The following SACS variants were observed in gnomAD, a reference collection of about 807,000 sequenced individuals.
SACS encodes the protein sacsin.
A neutral mutation model predicts 348.0 loss-of-function variants in SACS; 197 were observed. The ratio of observed to expected loss-of-function variants is 0.57; its 90% CI spans 0.50 to 0.64. The LOEUF (loss-of-function observed/expected upper bound fraction) is 0.64, where lower values mean the gene tolerates loss of function less well. Among genes scored for constraint, SACS ranks in the 30% least tolerant of loss-of-function variants. SACS has a pLI of 0.00. For synonymous variants in SACS, 1,985 were observed against 1,910.6 expected (o/e 1.04, Z -1.02); for missense variants, 4,999 against 5,360.8 (o/e 0.93, Z 2.11).
chr13:23,395,895 A>G lies in SACS; in HGVS notation c.20+15325T>C, dbSNP rs1446980898. 2.0e-5 allele frequency among the ~76,000 whole-genome samples: 3 copies of G among 152,172 alleles called. 1 individual carries two copies. The highest frequency in any genetic ancestry group is 2.0e-4 in the Admixed American group (3 of 15,272). The stretch of plus-strand genomic sequence containing the variant: ...CTACAAGGTCTCTATTTGCATCTGT[A>G]TGTAACTTTATATACGTATGCATGT... On this transcript the variant is annotated intron_variant, in intron 2 of 9. Coordinates refer to ENST00000382292, the MANE Select transcript of SACS (RefSeq NM_014363.6).
At chr13:23,343,627 T>G (rs1869415182) in intron 9 of SACS, among the ~76,000 whole-genome samples, 1 of 152,160 alleles carries the variant, frequency 6.6e-6, no homozygotes, top group Non-Finnish European at 1.5e-5. Flanking sequence ...GAGGTTGCAG[T>G]GAGCCGAGAT....
At position 23,330,851 on chromosome 13, in the gene SACS, G is replaced by A. The variant is rs1163854599; in HGVS notation, c.13025C>T (p.Pro4342Leu). 4 of 1,614,016 alleles carry A rather than the reference G, an allele frequency of 2.5e-6. No homozygotes were observed. The East Asian group carries it at 8.9e-5, about 36-fold the overall frequency. ...LYLKWHPDKN[P>L]ENHDIANEVF... ...TTCATTGGCAATGTCATGGTTCTCT[G>A]GATTTTTGTCAGGATGCCATTTCAA... The change falls in exon 10 of 10, where the codon CCA becomes CTA. Residue 4342 changes from proline (P) to leucine (L), a missense_variant. Transcript: ENST00000382292.
chr13:23,378,437 C>T (rs957455034), intron 2 of SACS, among the ~76,000 whole-genome samples: 2 of 152,120 alleles, frequency 1.3e-5, no homozygotes, highest in Admixed American at 6.6e-5. Context: ...GTTCCTCTTA[C>T]GTCGATCACC....
chr13:23,419,074 C>G (rs961151561), intron 1 of SACS: 8 of 152,570 alleles, frequency 5.2e-5, no homozygotes, highest in Admixed American at 5.2e-4. Flanking sequence ...GTGCCACAAT[C>G]GACTGCCCGT....
chr13:23,384,325 C>T (rs753379860), intron 2 of SACS, among the ~76,000 whole-genome samples: 2 of 152,222 alleles, frequency 1.3e-5, no homozygotes, highest in Non-Finnish European at 2.9e-5. Flanking sequence ...TGGAAAGTCC[C>T]TCTTGATCAT....
chr13:23,338,676 C>A lies in SACS; in HGVS notation c.5200G>T (p.Glu1734Ter). Residue 1734 changes from glutamate to a stop codon, truncating the protein, a stop_gained, in exon 10 of 10, where the codon GAG becomes TAG. Coordinates refer to ENST00000382292, the MANE Select transcript of SACS (RefSeq NM_014363.6). LOFTEE classifies it high-confidence loss of function. ...LNTPVLSVLKEAAKLMKTCSS... is the reference protein window; with the variant it reads ...LNTPVLSVLK ...CAAGTCTTCATGAGCTTAGCAGCCT[C>A]TTTTAAAACACTTAAGACAGGTGTG... is the stretch of plus-strand genomic sequence containing the variant. 6.2e-7 allele frequency: 1 copy of A among 1,614,046 alleles called. No homozygotes were observed. The highest frequency in any genetic ancestry group is 8.5e-7 in the Non-Finnish European group (1 of 1,179,978).
Position 23,334,884 on chromosome 13 carries a change from C to G in SACS, c.8992G>C (p.Ala2998Pro), listed in dbSNP as rs773127965. 7 of 1,613,770 alleles carry G rather than the reference C, an allele frequency of 4.3e-6. No homozygotes were observed. The highest frequency in any genetic ancestry group is 5.1e-6 in the Non-Finnish European group (6 of 1,179,822). ...DMKRLLPVVR[A>P]PNIDGSDLHS... ...AAGTCAGAGCCATCAATATTTGGAG[C>G]CCGCACAACAGGTAAAAGACGTTTC... is the stretch of plus-strand genomic sequence containing the variant. Residue 2998 changes from alanine to proline, a missense_variant, in exon 10 of 10, where the codon GCT (alanine) becomes CCT (proline). This residue lies in a region of SACS where 734 missense variants were observed against 694.0 expected (regional missense o/e 1.06). Coordinates refer to ENST00000382292, the MANE Select transcript of SACS (RefSeq NM_014363.6).
rs554841152 is a variant in SACS at position 23,343,641 on chromosome 13, G to A, written c.2186-1951C>T. Among the ~76,000 whole-genome samples, 106 of 152,230 alleles carry A rather than the reference G, an allele frequency of 7.0e-4. 1 individual carries two copies. Among genetic ancestry groups the A allele is most frequent in the Non-Finnish European group, 1.3e-3 (89 of 68,008 alleles). ...GGAGGTTGCAGTGAGCCGAGATTGC[G>A]CCACTGCACTCCAGCCTGGGCGACA... On this transcript the variant is annotated intron_variant, in intron 9 of 9. Transcript: ENST00000382292.
In SACS at chr13:23,355,046, A is replaced by G. The variant is rs1203606581; in HGVS notation, c.1566T>C (p.Ser522=). ...SIKRLEMEKS[S]DFPLSVDVIY... ...TAACATCAACTGACAAGGGGAAATC[A>G]GAGCTCTTTTCCATCTCCAGACGTT... Residue 522 remains serine (S), a synonymous_variant, in exon 8 of 10, where the codon TCT becomes TCC. Transcript: ENST00000382292. The G allele has an allele frequency of 6.2e-7, 1 of 1,614,116 alleles. No individual in the cohort carries two copies. Among genetic ancestry groups the G allele is most frequent in the African/African-American group, 1.3e-5 (1 of 74,940 alleles).
rs116948344 is a variant in SACS, at chr13:23,383,246, A to G, written c.21-7977T>C. ...CACCATGTCGAAGTGTTTGACCACG[A>G]TAAATATCGTTTGGCTTCATTGCCA... On this transcript the variant is annotated intron_variant, in intron 2 of 9. Coordinates refer to ENST00000382292, the MANE Select transcript of SACS (RefSeq NM_014363.6). Among the ~76,000 whole-genome samples, 877 of 152,260 alleles carry G rather than the reference A, an allele frequency of 5.8e-3. 7 individuals carry two copies. The highest frequency in any genetic ancestry group is 0.01 in the Middle Eastern group (3 of 294).
In SACS at chr13:23,426,274, C is replaced by T. The variant is rs530225402; in HGVS notation, c.-502+7341G>A. The stretch of plus-strand genomic sequence containing the variant: ...ACACAGCCTCAGGAAGTCCTGATGA[C>T]ATTTGCCCAAGGTGGTCAGGGCACA... On this transcript the variant is annotated intron_variant, in intron 1 of 9. Coordinates refer to ENST00000382292, the MANE Select transcript of SACS (RefSeq NM_014363.6). Among the ~76,000 whole-genome samples the T allele has an allele frequency of 5.5e-4, 84 of 152,282 alleles. 1 individual carries two copies. In the South Asian group the frequency reaches 0.016, roughly 29 times the overall value.
rs898833208 is a variant in SACS, at chr13:23,330,065, C to T, written c.*71G>A. The T allele has an allele frequency of 7.3e-7, 1 of 1,370,754 alleles. No homozygotes were observed. The highest frequency in any genetic ancestry group is 1.0e-6 in the Non-Finnish European group (1 of 975,824). 84.9% of individuals were successfully genotyped at this position (1,370,754 alleles called of 1,614,324 possible). On this transcript the variant is annotated 3_prime_UTR_variant, in exon 10 of 10. Coordinates refer to ENST00000382292, the MANE Select transcript of SACS (RefSeq NM_014363.6). ...AATTCCTAGCTAATTGGCAATGAAG[C>T]TTAATGAAGTACAGCAATTTATTCG...
chr13:23,409,970 C>G (rs1228168228), intron 2 of SACS, among the ~76,000 whole-genome samples: 3 of 152,076 alleles, frequency 2.0e-5, no homozygotes, highest in Non-Finnish European at 4.4e-5. Flanking sequence ...AGTCACTGCT[C>G]TTTAAAATGG....
chr13:23,412,215 C>T (rs1388481990), intron 1 of SACS, among the ~76,000 whole-genome samples: 1 of 151,912 alleles, frequency 6.6e-6, no homozygotes, highest in Non-Finnish European at 1.5e-5. Context: ...GCCAAGATCG[C>T]GCCACTGCAC....
rs1346842640 is a variant in SACS, at chr13:23,339,106, T to C, written c.4770A>G (p.Lys1590=). 17 of 1,610,866 alleles carry C rather than the reference T, an allele frequency of 1.1e-5. No homozygotes were observed. Among genetic ancestry groups the C allele is most frequent in the Admixed American group, 8.4e-5 (5 of 59,672 alleles). ...MFDPNINHIS[K]HIKDKSNPGI... ...CAGGATTGGATTTGTCTTTAATGTGTTTACTGATATGATTTATGTTTGGAT... is the reference window on the plus strand; with the variant it reads ...CAGGATTGGATTTGTCTTTAATGTGCTTACTGATATGATTTATGTTTGGAT... The change falls in exon 10 of 10, where the codon AAA becomes AAG. Residue 1590 remains lysine (K), a synonymous_variant. Transcript: ENST00000382292.
intron 6 of SACS, among the ~76,000 whole-genome samples, chr13:23,360,486 C>T (rs536023399): frequency 6.6e-6 from 1 of 151,024 alleles, no homozygotes; most frequent in Admixed American, 6.6e-5. Flanking sequence ...CGAATAACTA[C>T]AAGGTCTGTG....
Position 23,331,499 on chromosome 13 carries a change from C to T in SACS, c.12377G>A (p.Cys4126Tyr), listed in dbSNP as rs1190483486. 6.2e-7 allele frequency: 1 copy of T among 1,613,958 alleles called. No individual in the cohort carries two copies. Among genetic ancestry groups the T allele is most frequent in the Non-Finnish European group, 8.5e-7 (1 of 1,179,920 alleles). Reference protein sequence around the residue: ...DTSYLIAMLGCNDIYRIGEKL... With the variant: ...DTSYLIAMLGYNDIYRIGEKL... The stretch of plus-strand genomic sequence containing the variant: ...CTCACCAATCCTGTAAATATCATTG[C>T]ATCCTAGCATAGCAATTAAATATGA... Residue 4126 changes from cysteine to tyrosine, a missense_variant, in exon 10 of 10, where the codon TGC becomes TAC. Around this residue, in one of 6 missense-constraint regions of SACS, gnomAD observed 831 missense variants for 941.8 expected, o/e 0.88. Coordinates refer to ENST00000382292, the MANE Select transcript of SACS (RefSeq NM_014363.6).
chr13:23,341,145 T>C lies in SACS; in HGVS notation c.2731A>G (p.Thr911Ala), dbSNP rs1339471923. The change falls in exon 10 of 10, where the codon ACC becomes GCC. Residue 911 changes from threonine (T) to alanine (A), a missense_variant. Transcript: ENST00000382292. Reference sequence around the variant, plus strand: ...CTTTTCTCTTTCTCACTGCTATCGGTTAAACTAGCCAAGAACTTCCTCAGG... The same window carrying C: ...CTTTTCTCTTTCTCACTGCTATCGGCTAAACTAGCCAAGAACTTCCTCAGG... ...DALRKFLASL[T>A]DSSEKEKRII... 15 of 1,613,224 alleles carry C rather than the reference T, an allele frequency of 9.3e-6. No individual in the cohort carries two copies. The highest frequency in any genetic ancestry group is 1.3e-5 in the Non-Finnish European group (15 of 1,180,000).
chr13:23,415,408 T>C (rs1873656689), intron 1 of SACS, among the ~76,000 whole-genome samples: 2 of 152,188 alleles, frequency 1.3e-5, no homozygotes, highest in South Asian at 2.1e-4. Flanking sequence ...CTATTGTTCC[T>C]TTCCTGGAAA....
Sources: gnomAD v4.1 joint callset for allele counts (sites outside exome capture counted in the v4.1 genomes callset) on GRCh38, gnomAD v4.1.1 for gene constraint, gnomAD v4.1.1 regional missense constraint, MANE v1.5 for transcripts, NCBI Gene and HGNC (gene_info 2026-07-23, HGNC 2026-07-21) for gene names.